The following CFAP70 variants were observed in gnomAD, a reference collection of about 807,000 sequenced individuals.
The protein encoded by CFAP70 is cilia and flagella associated protein 70, also known as cilia- and flagella-associated protein 70.
In CFAP70, 81 loss-of-function variants were observed where a neutral mutation model predicts 137.6. The observed-to-expected ratio is 0.59, with a 90% confidence interval of 0.49 to 0.71. The LOEUF (loss-of-function observed/expected upper bound fraction) is 0.71, where lower values mean the gene tolerates loss of function less well. Among genes scored for constraint, CFAP70 ranks in the 30% least tolerant of loss-of-function variants. CFAP70 has a pLI of 0.00. For synonymous variants in CFAP70, 382 were observed against 423.6 expected, an observed-to-expected ratio of 0.90 and a Z score of 1.20; for missense variants, 976 against 1,226.7, an observed-to-expected ratio of 0.80 and a Z score of 3.05.
At chr10:73,341,465 GTTA>G (rs769288497) in exon 6 of CFAP70, 7 of 1,614,188 alleles carry the variant, frequency 4.3e-6, no homozygotes, top group Non-Finnish European at 5.9e-6. Context: ...CATCAGGAAT[GTTA>G]TTAGCTCCTG....
intron 8 of CFAP70, among the ~76,000 whole-genome samples, chr10:73,326,627 A>G (rs1413603241): frequency 6.6e-6 from 1 of 152,038 alleles, no homozygotes; most frequent in African/African-American, 2.4e-5. Context: ...AGAATCAAAT[A>G]GATGCAATAA....
At position 73,353,543 on chromosome 10, in the gene CFAP70, C is replaced by T. The variant is rs751932379; in HGVS notation, c.250+13G>A. On this transcript the variant is annotated intron_variant, in intron 3 of 26. Transcript: ENST00000310715. ...CAATCGGGACATTGATTTTTAGAAC[C>T]ACAAGGACTTACAGAACACAGGTTT... The T allele has an allele frequency of 6.2e-7, 1 of 1,609,592 alleles. No homozygotes were observed.
exon 3 of CFAP70, chr10:73,353,726 T>A (rs2054455115): frequency 1.2e-6 from 2 of 1,614,108 alleles, no homozygotes; most frequent in Non-Finnish European, 1.7e-6. Flanking sequence ...AACTGGAGTA[T>A]CTCCTTTAAA....
intron 26 of CFAP70, 138 bp downstream of exon 27, chr10:73,256,231 C>G: frequency 1.1e-6 from 1 of 932,310 alleles, no homozygotes; most frequent in Non-Finnish European, 1.6e-6. Flanking sequence ...AGCAGCCCCA[C>G]GATAATGGCA....
intron 7 of CFAP70, among the ~76,000 whole-genome samples, chr10:73,334,302 G>C (rs545448621): frequency 1.3e-5 from 2 of 152,292 alleles, no homozygotes; most frequent in Admixed American, 1.3e-4. Context: ...GCATCTAGAG[G>C]TTGGCTAATG....
chr10:73,313,956 G>C (rs2050138718), intron 9 of CFAP70, among the ~76,000 whole-genome samples: 1 of 152,200 alleles, frequency 6.6e-6, no homozygotes, highest in African/African-American at 2.4e-5. Context: ...GATAAAGCAA[G>C]TTTAAAGTTC....
intron 25 of CFAP70, among the ~76,000 whole-genome samples, chr10:73,258,786 A>G (rs548765135): frequency 6.6e-6 from 1 of 152,330 alleles, no homozygotes; most frequent in African/African-American, 2.4e-5. Context: ...ATGGTTGTAT[A>G]TAAGGGATGA....
chr10:73,345,556 A>G (rs561005864), intron 4 of CFAP70, among the ~76,000 whole-genome samples: 1 of 152,296 alleles, frequency 6.6e-6, no homozygotes, highest in East Asian at 1.9e-4. Context: ...CTGTAATCCC[A>G]GCACTTTGGG....
chr10:73,339,178 A>G (rs2053003148), intron 6 of CFAP70, among the ~76,000 whole-genome samples: 1 of 152,072 alleles, frequency 6.6e-6, no homozygotes, highest in African/African-American at 2.4e-5. Flanking sequence ...TCGGCCTCCC[A>G]AAGTGCTAGG....
intron 25 of CFAP70, among the ~76,000 whole-genome samples, chr10:73,265,141 C>T (rs969477448): frequency 6.6e-6 from 1 of 152,106 alleles, no homozygotes; most frequent in Non-Finnish European, 1.5e-5. Flanking sequence ...CTGGCTAACA[C>T]GGTGAAACCG....
At chr10:73,348,678 A>T (rs1290309029) in intron 3 of CFAP70, among the ~76,000 whole-genome samples, 157 bp from the exon 4 acceptor site, 1 of 152,248 alleles carries the variant, frequency 6.6e-6, no homozygotes, top group Non-Finnish European at 1.5e-5. Flanking sequence ...GGTGGAAAAT[A>T]CTGGACCACT....
chr10:73,323,484 G>A (rs974642546), intron 8 of CFAP70, among the ~76,000 whole-genome samples: 1 of 152,172 alleles, frequency 6.6e-6, no homozygotes, highest in Admixed American at 6.5e-5. Flanking sequence ...CAGGTCAGTG[G>A]GTGCAGCGCA....
chr10:73,281,261 T>C (rs1449701232), intron 19 of CFAP70, among the ~76,000 whole-genome samples: 1 of 151,954 alleles, frequency 6.6e-6, no homozygotes, highest in African/African-American at 2.4e-5. Flanking sequence ...CATGGCTCAC[T>C]GCAGCCTCAA....
chr10:73,348,378 T>G (rs1317100739), intron 4 of CFAP70, 45 bp downstream of exon 4: 1 of 1,581,454 alleles, frequency 6.3e-7, no homozygotes, highest in East Asian at 2.2e-5. Context: ...GGCTAAGTTT[T>G]ATGAGCTTTT....
At chr10:73,340,897 G>A (rs559229543) in intron 6 of CFAP70, among the ~76,000 whole-genome samples, 2 of 152,318 alleles carry the variant, frequency 1.3e-5, no homozygotes, top group African/African-American at 4.8e-5. Context: ...AGATGCCTGG[G>A]TATGCAGCTG....
intron 20 of CFAP70, 56 bp from the exon 22 acceptor site, chr10:73,277,417 A>G (rs2046844250): frequency 1.9e-6 from 3 of 1,589,164 alleles, no homozygotes; most frequent in Non-Finnish European, 2.6e-6. Context: ...AAAGTGTCAG[A>G]AATTCAGACA....
At chr10:73,357,561 G>C (rs556313594) in intron 1 of CFAP70, among the ~76,000 whole-genome samples, 2 of 152,236 alleles carry the variant, frequency 1.3e-5, no homozygotes, top group African/African-American at 2.4e-5. Flanking sequence ...AGATCTGATC[G>C]TATCACTGTC....
chr10:73,264,778 G>A (rs1030926739), intron 25 of CFAP70, among the ~76,000 whole-genome samples: 14 of 152,106 alleles, frequency 9.2e-5, no homozygotes, highest in African/African-American at 1.9e-4. Context: ...GTCTAATTAC[G>A]TTATTCATTT....
At chr10:73,310,008 A>G in intron 12 of CFAP70, 150 bp downstream of exon 13, 1 of 517,948 alleles carries the variant, frequency 1.9e-6, no homozygotes, top group South Asian at 2.9e-5. Context: ...TAAGGTAACA[A>G]AAATAACAAC....
Sources: gnomAD v4.1 joint callset for allele counts (sites outside exome capture counted in the v4.1 genomes callset) on GRCh38, gnomAD v4.1.1 for gene constraint, MANE v1.5 for transcripts, NCBI Gene and HGNC (gene_info 2026-07-23, HGNC 2026-07-21) for gene names.